Variants in FOCAD observed in about 807,000 individuals in gnomAD.
The protein encoded by FOCAD is KIAA1797.
FOCAD carries 198 observed loss-of-function variants against 225.6 expected under a neutral mutation model. The observed-to-expected ratio is 0.88, with a 90% CI of 0.78 to 0.99. FOCAD has a LOEUF of 0.99. FOCAD is among the 50% of genes least tolerant of loss of function. The pLI is 0.00. For synonymous variants in FOCAD, 897 were observed against 755.0 expected (o/e 1.19, Z -3.08); for missense variants, 2,713 against 2,123.6 (o/e 1.28, Z -5.46).
chr9:20,871,583 A>C lies in FOCAD; in HGVS notation c.2191-3098A>C, dbSNP rs546559482. 2.6e-5 allele frequency among the ~76,000 whole-genome samples: 4 copies of C among 151,882 alleles called. No homozygotes were observed. The South Asian group carries it at 8.3e-4, about 32-fold the overall frequency. ...CAAATAATTCTTTTAAGAAGTGACCAGAGGAGTAAAGAACTTACTCATGTA... is the reference window on the plus strand; with the variant it reads ...CAAATAATTCTTTTAAGAAGTGACCCGAGGAGTAAAGAACTTACTCATGTA... On this transcript the variant is annotated intron_variant, in intron 18 of 43. Coordinates refer to ENST00000338382, the MANE Select transcript of FOCAD (RefSeq NM_001375567.1).
At chr9:20,964,339 A>T (rs1564212193) in intron 35 of FOCAD, among the ~76,000 whole-genome samples, 1 of 152,098 alleles carries the variant, frequency 6.6e-6, no homozygotes, top group Non-Finnish European at 1.5e-5. Flanking sequence ...ACTTGCAGTG[A>T]ACCAAGATAG....
chr9:20,835,246 T>C (rs1240202875), intron 15 of FOCAD, among the ~76,000 whole-genome samples: 1 of 152,092 alleles, frequency 6.6e-6, no homozygotes, highest in Non-Finnish European at 1.5e-5. Context: ...GTGCATTACG[T>C]CCTGTATTAA....
chr9:20,669,096 C>A (rs141645182), intron 2 of FOCAD, among the ~76,000 whole-genome samples: 57 of 152,228 alleles, frequency 3.7e-4, no homozygotes, highest in Non-Finnish European at 7.4e-4. Context: ...TCCCTGGTTT[C>A]TTCCTTCTTG....
At position 20,823,068 on chromosome 9, in the gene FOCAD, C is replaced by T. The variant is rs1450934174; in HGVS notation, c.1873C>T (p.Pro625Ser). 6.2e-7 allele frequency: 1 copy of T among 1,609,576 alleles called. No individual in the cohort carries two copies. Among genetic ancestry groups the T allele is most frequent in the Non-Finnish European group, 8.5e-7 (1 of 1,178,156 alleles). ...NECTKPDQAT[P>S]AALVLQGLHA... The stretch of plus-strand genomic sequence containing the variant: ...ATGCACCAAGCCTGATCAAGCTACT[C>T]CAGCAGCCTTGGTATTACAGGGTCT... The change falls in exon 15 of 44, where the codon CCA becomes TCA. Residue 625 changes from proline (P) to serine (S), a missense_variant. Pro to Ser is a moderately conservative substitution (Grantham distance 74). Transcript: ENST00000338382.
chr9:20,741,700 A>G lies in FOCAD; in HGVS notation c.392+1360A>G, dbSNP rs1169505173. 1.3e-4 allele frequency among the ~76,000 whole-genome samples: 3 copies of G among 23,400 alleles called. No individual in the cohort carries two copies. The East Asian group carries it at 3.2e-3, about 25-fold the overall frequency. 15.4% of individuals were successfully genotyped at this position (23,400 alleles called of 152,430 possible). On this transcript the variant is annotated intron_variant, in intron 5 of 43. Transcript: ENST00000338382. ...GCTTTTTTTTTTTTTTTTTTTTTTA[A>G]CATAGTGGTGTCCTTTGTGACGTAA...
chr9:20,716,181 T>C, intron 2 of FOCAD: 1 of 469,656 alleles, frequency 2.1e-6, no homozygotes, highest in Non-Finnish European at 4.6e-6. Flanking sequence ...TCTACCTGGC[T>C]GGGTTGGAGT....
intron 15 of FOCAD, among the ~76,000 whole-genome samples, chr9:20,858,738 T>C (rs1452433400): frequency 1.3e-5 from 2 of 152,170 alleles, no homozygotes; most frequent in East Asian, 3.8e-4. Context: ...TGGTATCAAC[T>C]TTCCTCTTAG....
intron 19 of FOCAD, among the ~76,000 whole-genome samples, chr9:20,877,927 A>G (rs1252372980): frequency 6.6e-6 from 1 of 152,132 alleles, no homozygotes; most frequent in African/African-American, 2.4e-5. Flanking sequence ...CAAACAAACA[A>G]AAACCCCAAC....
chr9:20,772,672 G>T (rs1341810655), intron 8 of FOCAD, among the ~76,000 whole-genome samples: 1 of 152,118 alleles, frequency 6.6e-6, no homozygotes, highest in Non-Finnish European at 1.5e-5. Context: ...CAGGGTGGTG[G>T]TGGTTGGGGG....
chr9:20,859,447 T>G (rs1828552568), intron 15 of FOCAD, among the ~76,000 whole-genome samples: 1 of 151,252 alleles, frequency 6.6e-6, no homozygotes, highest in South Asian at 2.1e-4. Flanking sequence ...AGTCTGTATT[T>G]TTTCCCTTTA....
At chr9:20,717,271 C>A (rs955299453) in intron 2 of FOCAD, among the ~76,000 whole-genome samples, 7 of 152,090 alleles carry the variant, frequency 4.6e-5, no homozygotes, top group African/African-American at 1.4e-4. Flanking sequence ...ACAGCTATAC[C>A]GTAATTTGGT....
At chr9:20,807,355 CA>C (rs1461620187) in intron 11 of FOCAD, among the ~76,000 whole-genome samples, 1 of 152,142 alleles carries the variant, frequency 6.6e-6, no homozygotes, top group Non-Finnish European at 1.5e-5. Context: ...CTGTTTTAAA[CA>C]ACATTTAGAT....
chr9:20,821,252 GTCTTT>G (rs1347235795), intron 14 of FOCAD, among the ~76,000 whole-genome samples, 181 bp downstream of exon 14: 6 of 151,356 alleles, frequency 4.0e-5, no homozygotes, highest in Admixed American at 6.6e-5. Flanking sequence ...TGAGAAGTAT[GTCTTT>G]TCTTTTCAGG....
chr9:20,686,996 GT>G (rs778276198), intron 1 of FOCAD, among the ~76,000 whole-genome samples: 175 of 142,160 alleles, frequency 1.2e-3, no homozygotes, highest in Admixed American at 2.6e-3. Flanking sequence ...TGGCCTCATA[GT>G]TTTTTTTTTT....
At chr9:20,772,908 G>A (rs142670949) in intron 8 of FOCAD, among the ~76,000 whole-genome samples, 490 of 151,148 alleles carry the variant, frequency 3.2e-3, no homozygotes, top group African/African-American at 9.0e-3. Context: ...ATATATATAT[G>A]TATAATATAT....
At chr9:20,720,234 C>A in intron 3 of FOCAD, 146 bp from the exon 4 acceptor site, 2 of 773,448 alleles carry the variant, frequency 2.6e-6, no homozygotes, top group Non-Finnish European at 4.2e-6. Context: ...TCATTTTATT[C>A]TAGGAACAGA....
chr9:20,745,235 C>A, intron 5 of FOCAD, among the ~76,000 whole-genome samples: 1 of 151,950 alleles, frequency 6.6e-6, no homozygotes, highest in Non-Finnish European at 1.5e-5. Context: ...TCAGCTCCCC[C>A]AGTAGCTGGG....
upstream of FOCAD, among the ~76,000 whole-genome samples, chr9:20,681,370 A>G (rs1298850046): frequency 6.6e-6 from 1 of 152,178 alleles, no homozygotes; most frequent in African/African-American, 2.4e-5. Context: ...TGCTGGGATT[A>G]TAGGTGTGAG....
intron 15 of FOCAD, among the ~76,000 whole-genome samples, chr9:20,859,535 A>G (rs1368227889): frequency 6.6e-6 from 1 of 150,932 alleles, no homozygotes; most frequent in African/African-American, 2.4e-5. Context: ...TATTTGTATT[A>G]CAAGTTAAGT....
Sources: allele counts gnomAD v4.1 joint callset (sites outside exome capture counted in the v4.1 genomes callset), GRCh38; gene constraint gnomAD v4.1.1; transcripts MANE v1.5; gene names NCBI Gene and HGNC (gene_info 2026-07-23, HGNC 2026-07-21).